COL28A1: variants seen among roughly 807,000 people sequenced by gnomAD.
COL28A1 encodes collagen alpha-1(XXVIII) chain.
A neutral mutation model predicts 150.2 loss-of-function variants in COL28A1; 161 were observed. That is an observed-to-expected ratio of 1.07 (90% CI 0.94 to 1.22). The LOEUF (loss-of-function observed/expected upper bound fraction) is 1.22. COL28A1 is among the 50% of genes most tolerant of loss of function. The pLI, the probability that COL28A1 is intolerant of heterozygous loss-of-function variation, is 0.00. For synonymous variants in COL28A1, 552 were observed against 469.7 expected, an observed-to-expected ratio of 1.18 and a Z score of -2.26; for missense variants, 1,617 against 1,388.3, an observed-to-expected ratio of 1.16 and a Z score of -2.62.
intron 34 of COL28A1, 49 bp from the exon 35 acceptor site, chr7:7,358,854 A>G (rs756183094): frequency 6.8e-7 from 1 of 1,461,576 alleles, no homozygotes. Context: ...TATACTGAAG[A>G]CATGAAAAAT....
intron 9 of COL28A1, among the ~76,000 whole-genome samples, chr7:7,510,505 A>G (rs1376260894): frequency 6.6e-6 from 1 of 152,158 alleles, no homozygotes; most frequent in Non-Finnish European, 1.5e-5. Context: ...GGCTGGTCTC[A>G]AACTCCTGAC....
intron 30 of COL28A1, among the ~76,000 whole-genome samples, chr7:7,375,906 A>G (rs1190835096): frequency 2.6e-5 from 4 of 152,172 alleles, no homozygotes; most frequent in Non-Finnish European, 5.9e-5. Flanking sequence ...TTTAAACCAC[A>G]TGTGCTGAGC....
At chr7:7,362,365 G>T (rs781224806) in intron 33 of COL28A1, among the ~76,000 whole-genome samples, 1 of 151,960 alleles carries the variant, frequency 6.6e-6, no homozygotes, top group Non-Finnish European at 1.5e-5. Context: ...TTGTTTGTTT[G>T]CATTTTTATT....
rs371049337 is a variant in COL28A1, at chr7:7,358,715, C to G, written c.3296G>C (p.Arg1099Pro). The change falls in exon 35 of 35, where the codon CGA becomes CCA. Residue 1099 changes from arginine (R) to proline (P), a missense_variant. Coordinates refer to ENST00000399429, the MANE Select transcript of COL28A1 (RefSeq NM_001037763.3). The part of the protein sequence containing the change: ...YYDKQVNSCA[R>P]FWFSGCNGSG... ...GCCATTACAGCCACTGAACCAAAAT[C>G]GGGCACAAGAGTTGACCTGTTTGTC... The G allele has an allele frequency of 5.6e-6, 9 of 1,613,876 alleles. No individual in the cohort carries two copies. Among genetic ancestry groups the G allele is most frequent in the Non-Finnish European group, 7.6e-6 (9 of 1,179,954 alleles).
intron 15 of COL28A1, among the ~76,000 whole-genome samples, chr7:7,465,462 G>A (rs4626488): frequency 0.078 from 10,733 of 137,680 alleles, 660 homozygotes; most frequent in Non-Finnish European, 0.12. Flanking sequence ...CTACGCCCAC[G>A]GAATCTCGCT....
At chr7:7,497,483 A>G (rs908657033) in intron 11 of COL28A1, among the ~76,000 whole-genome samples, 6 of 152,326 alleles carry the variant, frequency 3.9e-5, no homozygotes, top group African/African-American at 1.4e-4. Context: ...CATAGAGCCA[A>G]TAAAATATAG....
chr7:7,499,388 C>T (rs941817864), intron 11 of COL28A1, among the ~76,000 whole-genome samples: 1 of 152,100 alleles, frequency 6.6e-6, no homozygotes, highest in African/African-American at 2.4e-5. Context: ...TTTTGGACAA[C>T]TAGAAAAGCT....
At chr7:7,388,462 G>A (rs1031008366) in intron 27 of COL28A1, among the ~76,000 whole-genome samples, 5 of 152,012 alleles carry the variant, frequency 3.3e-5, no homozygotes, top group African/African-American at 4.8e-5. Flanking sequence ...ACAGCGCCGC[G>A]ATAAACATGT....
At chr7:7,346,937 T>C in the COL28A1 span, among the ~76,000 whole-genome samples, 1 of 152,150 alleles carries the variant, frequency 6.6e-6, no homozygotes, top group African/African-American at 2.4e-5. Context: ...GTATTATCTA[T>C]AGGGTCAAGT....
rs748662809 is a variant in COL28A1, at chr7:7,436,442, T to C, written c.1813A>G (p.Ile605Val). 4.3e-6 allele frequency: 6 copies of C among 1,397,486 alleles called. No homozygotes were observed. Among genetic ancestry groups the C allele is most frequent in the East Asian group, 4.6e-5 (2 of 43,878 alleles). 86.6% of individuals were successfully genotyped at this position (1,397,486 alleles called of 1,614,324 possible). A position where few individuals can be genotyped will look rare whatever the true frequency, so the allele number is the denominator to read the frequency against. The stretch of plus-strand genomic sequence containing the variant: ...CCAGGTTCTCCCTTAAATCCAGGTA[T>C]CCCAGGTCCTCCTCTATCTCCCTGT... ...GPKGDRGGPG[I>V]PGFKGEPGLS... The change falls in exon 23 of 35, where the codon ATA (isoleucine) becomes GTA (valine). Residue 605 changes from isoleucine to valine, a missense_variant. By Grantham distance (29) the Ile-to-Val change is conservative. Transcript: ENST00000399429.
chr7:7,444,272 T>C, intron 19 of COL28A1, 146 bp downstream of exon 19: 1 of 1,066,800 alleles, frequency 9.4e-7, no homozygotes, highest in Non-Finnish European at 1.3e-6. Flanking sequence ...CAGGGAGAAG[T>C]GGAAAGGGAC....
At chr7:7,417,360 T>A (rs941572365) in intron 27 of COL28A1, among the ~76,000 whole-genome samples, 38 of 151,388 alleles carry the variant, frequency 2.5e-4, no homozygotes, top group African/African-American at 9.2e-4. Context: ...CACACTCTAC[T>A]CCCAGAGATT....
At chr7:7,359,470 T>C (rs1212480233) in intron 34 of COL28A1, among the ~76,000 whole-genome samples, 1 of 152,168 alleles carries the variant, frequency 6.6e-6, no homozygotes, top group East Asian at 1.9e-4. Context: ...CACATTGTCC[T>C]AATAAGGTTC....
intron 13 of COL28A1, among the ~76,000 whole-genome samples, chr7:7,480,368 C>A (rs1789284581): frequency 6.6e-6 from 1 of 152,112 alleles, no homozygotes; most frequent in African/African-American, 2.4e-5. Flanking sequence ...TAGCTTTTAA[C>A]ACTTCCAAGA....
intron 13 of COL28A1, among the ~76,000 whole-genome samples, chr7:7,486,797 G>C (rs572373294): frequency 2.5e-4 from 38 of 152,224 alleles, no homozygotes; most frequent in African/African-American, 8.2e-4. Context: ...ACCCCACTTA[G>C]TCATGCTGTA....
At chr7:7,408,201 G>C (rs1399813846) in intron 27 of COL28A1, among the ~76,000 whole-genome samples, 1 of 152,092 alleles carries the variant, frequency 6.6e-6, no homozygotes, top group Non-Finnish European at 1.5e-5. Context: ...AAGTTGTTCT[G>C]AAGAACTGCC....
At chr7:7,528,187 T>C (rs951408379) in intron 3 of COL28A1, among the ~76,000 whole-genome samples, 2 of 152,188 alleles carry the variant, frequency 1.3e-5, no homozygotes, top group African/African-American at 2.4e-5. Flanking sequence ...ATAAAGGCTT[T>C]TTAAATACTT....
chr7:7,392,787 G>C (rs1335291645), intron 27 of COL28A1, among the ~76,000 whole-genome samples: 1 of 152,036 alleles, frequency 6.6e-6, no homozygotes, highest in African/African-American at 2.4e-5. Flanking sequence ...ACTTGTGTAT[G>C]CTTCACGAAG....
chr7:7,473,691 T>C (rs1788623490), intron 15 of COL28A1, among the ~76,000 whole-genome samples: 1 of 152,148 alleles, frequency 6.6e-6, no homozygotes, highest in South Asian at 2.1e-4. Flanking sequence ...ACTGGGTATC[T>C]ACCCAGAGGA....
Sources: gnomAD v4.1 joint callset for allele counts (sites outside exome capture counted in the v4.1 genomes callset) on GRCh38, gnomAD v4.1.1 for gene constraint, MANE v1.5 for transcripts, NCBI Gene and HGNC (gene_info 2026-07-23, HGNC 2026-07-21) for gene names.